Variants in CNTN4 observed in about 807,000 individuals in gnomAD.
The protein encoded by CNTN4 is contactin 4.
In CNTN4, 77 loss-of-function variants were observed where a neutral mutation model predicts 122.5. That is an observed-to-expected ratio of 0.63 (90% CI 0.52 to 0.76). CNTN4 has a LOEUF of 0.76. CNTN4 is among the 30% of genes least tolerant of loss of function. The pLI, the probability that CNTN4 is intolerant of heterozygous loss-of-function variation, is 0.00. For synonymous variants in CNTN4, 512 were observed against 447.0 expected (o/e 1.15, Z -1.83); for missense variants, 1,256 against 1,259.1 (o/e 1.00, Z 0.04).
rs1490601324 is a variant in CNTN4 at position 2,841,330 on chromosome 3, A to G, written c.454+21749A>G. ...ACAACCCTAACTGAAATTGCCTCATACTGTGACATTATTATATCCTACAAT... is the reference window on the plus strand; with the variant it reads ...ACAACCCTAACTGAAATTGCCTCATGCTGTGACATTATTATATCCTACAAT... On this transcript the variant is annotated intron_variant, in intron 7 of 24. Coordinates refer to ENST00000418658, the MANE Select transcript of CNTN4 (RefSeq NM_175607.3). The surrounding 1 kb of genome is among the most constrained non-coding windows in gnomAD (Gnocchi z 4.8). 1.3e-5 allele frequency among the ~76,000 whole-genome samples: 2 copies of G among 152,198 alleles called. No individual in the cohort carries two copies. Among genetic ancestry groups the G allele is most frequent in the Non-Finnish European group, 2.9e-5 (2 of 68,036 alleles).
intron 23 of CNTN4, among the ~76,000 whole-genome samples, chr3:3,049,668 G>A (rs1427730445): frequency 1.3e-5 from 2 of 152,182 alleles, no homozygotes; most frequent in African/African-American, 4.8e-5. Flanking sequence ...CAGGAGAGAT[G>A]TATTATTTTA....
chr3:2,887,550 C>G (rs541498515), intron 10 of CNTN4, among the ~76,000 whole-genome samples: 1 of 152,114 alleles, frequency 6.6e-6, no homozygotes, highest in Admixed American at 6.5e-5. Flanking sequence ...TTTATTATTC[C>G]TACTCCTGAT....
chr3:2,467,079 C>G (rs1345399835), intron 3 of CNTN4, among the ~76,000 whole-genome samples: 2 of 140,044 alleles, frequency 1.4e-5, no homozygotes, highest in South Asian at 4.5e-4. Context: ...TAAAAAAAGT[C>G]TTCCAGTATC....
At chr3:2,642,769 T>C (rs746908156) in intron 4 of CNTN4, among the ~76,000 whole-genome samples, 1 of 152,180 alleles carries the variant, frequency 6.6e-6, no homozygotes, top group Non-Finnish European at 1.5e-5. Flanking sequence ...CATTTTTCTG[T>C]CCTTCTGTCT....
chr3:2,626,813 G>A (rs549613626), intron 4 of CNTN4, among the ~76,000 whole-genome samples: 2 of 152,278 alleles, frequency 1.3e-5, no homozygotes, highest in Non-Finnish European at 2.9e-5. Context: ...TGTACTAGAT[G>A]CTAGAGATAC....
At chr3:2,550,645 C>G (rs1575955436) in intron 3 of CNTN4, among the ~76,000 whole-genome samples, 1 of 152,076 alleles carries the variant, frequency 6.6e-6, no homozygotes, top group South Asian at 2.1e-4. Flanking sequence ...AAAGACACAT[C>G]CACATGTATG....
intron 2 of CNTN4, among the ~76,000 whole-genome samples, chr3:2,272,987 C>A (rs992634082): frequency 1.1e-4 from 17 of 152,222 alleles, no homozygotes; most frequent in African/African-American, 4.1e-4. Context: ...TTGAGGTAGG[C>A]ATGGGAATTA....
In CNTN4 at chr3:2,531,518, A is replaced by G. The variant is rs9859825; in HGVS notation, c.-88-39898A>G. On this transcript the variant is annotated intron_variant, in intron 3 of 24. Coordinates refer to ENST00000418658, the MANE Select transcript of CNTN4 (RefSeq NM_175607.3). ...ACCCCTAGCTTGTTAACATTTAATA[A>G]CTACATGACCTAAATAATGTTGTTC... Among the ~76,000 whole-genome samples the G allele has an allele frequency of 8.7e-3, 1,325 of 152,216 alleles. 22 individuals are homozygous for G. The highest frequency in any genetic ancestry group is 0.03 in the African/African-American group (1,250 of 41,526).
At chr3:2,445,855 C>T (rs1026244041) in intron 3 of CNTN4, among the ~76,000 whole-genome samples, 8 of 152,120 alleles carry the variant, frequency 5.3e-5, no homozygotes, top group African/African-American at 1.7e-4. Context: ...CGGGATGCTG[C>T]TAATATCAAT....
chr3:2,752,349 T>C (rs1226963487), intron 6 of CNTN4, among the ~76,000 whole-genome samples: 1 of 152,078 alleles, frequency 6.6e-6, no homozygotes, highest in African/African-American at 2.4e-5. Flanking sequence ...TTAGAGTAAA[T>C]TGGTTTTTTG....
chr3:2,854,767 C>G (rs1368632609), intron 7 of CNTN4, among the ~76,000 whole-genome samples: 1 of 152,118 alleles, frequency 6.6e-6, no homozygotes, highest in East Asian at 1.9e-4. Flanking sequence ...CTCAGTCAGT[C>G]ATATTACTGC....
At chr3:2,516,359 T>G (rs943628871) in intron 3 of CNTN4, among the ~76,000 whole-genome samples, 1 of 152,102 alleles carries the variant, frequency 6.6e-6, no homozygotes, top group African/African-American at 2.4e-5. Context: ...AGGAACTATT[T>G]CAATGCAAAC....
At chr3:2,513,145 A>C (rs2076938582) in intron 3 of CNTN4, among the ~76,000 whole-genome samples, 1 of 152,152 alleles carries the variant, frequency 6.6e-6, no homozygotes, top group South Asian at 2.1e-4. Flanking sequence ...CTCTGGAAAA[A>C]AGTAAGTGTG....
chr3:2,688,672 G>C (rs890442331), intron 4 of CNTN4, among the ~76,000 whole-genome samples: 3 of 152,176 alleles, frequency 2.0e-5, no homozygotes, highest in Non-Finnish European at 2.9e-5. Context: ...CTTCAGCAAG[G>C]TTAGAGGCGT....
chr3:2,181,246 A>G (rs1290672238), intron 2 of CNTN4, among the ~76,000 whole-genome samples: 1 of 152,094 alleles, frequency 6.6e-6, no homozygotes, highest in African/African-American at 2.4e-5. Flanking sequence ...GGAATAAGAA[A>G]ACAAATGTGA....
chr3:2,638,420 C>T (rs775751656), intron 4 of CNTN4, among the ~76,000 whole-genome samples: 1 of 151,718 alleles, frequency 6.6e-6, no homozygotes, highest in African/African-American at 2.4e-5. Flanking sequence ...AAATGTAAAT[C>T]GAATTTTATT....
intron 13 of CNTN4, among the ~76,000 whole-genome samples, chr3:2,945,229 A>G (rs957490991): frequency 6.6e-6 from 1 of 152,122 alleles, no homozygotes; most frequent in Non-Finnish European, 1.5e-5. Context: ...AACATTTGGA[A>G]CTACTCATTA....
At chr3:2,962,714 A>G (rs2094874437) in intron 13 of CNTN4, among the ~76,000 whole-genome samples, 1 of 152,228 alleles carries the variant, frequency 6.6e-6, no homozygotes. Flanking sequence ...GCCTCTGACC[A>G]CAGCCTTACC....
chr3:2,997,373 G>A (rs987488863), intron 14 of CNTN4, among the ~76,000 whole-genome samples: 1 of 152,160 alleles, frequency 6.6e-6, no homozygotes, highest in African/African-American at 2.4e-5. Flanking sequence ...TGGTCCCATG[G>A]GGGGAGCCAA....
Sources: gnomAD v4.1 joint callset for allele counts (sites outside exome capture counted in the v4.1 genomes callset) on GRCh38, gnomAD v4.1.1 for gene constraint, Gnocchi (gnomAD v3.1) non-coding constraint, MANE v1.5 for transcripts, NCBI Gene and HGNC (gene_info 2026-07-23, HGNC 2026-07-21) for gene names.